MINDY2: variants seen among roughly 807,000 people sequenced by gnomAD.
MINDY2 encodes MINDY lysine 48 deubiquitinase 2.
MINDY2 carries 52 observed loss-of-function variants against 68.2 expected under a neutral mutation model. That is an observed-to-expected ratio of 0.76 (90% confidence interval 0.61 to 0.96). The LOEUF (loss-of-function observed/expected upper bound fraction) is 0.96. Among genes scored for constraint, MINDY2 ranks in the 40% least tolerant of loss-of-function variants. MINDY2 has a pLI of 0.00. For synonymous variants in MINDY2, 372 were observed against 303.0 expected, an observed-to-expected ratio of 1.23 and a Z score of -2.36; for missense variants, 881 against 773.4, an observed-to-expected ratio of 1.14 and a Z score of -1.65.
At chr15:58,802,927 T>A (rs1902760814) in intron 3 of MINDY2, among the ~76,000 whole-genome samples, 1 of 152,212 alleles carries the variant, frequency 6.6e-6, no homozygotes, top group African/African-American at 2.4e-5. Context: ...CGGAGCTTCA[T>A]TTTCTTCAGT....
intron 5 of MINDY2, among the ~76,000 whole-genome samples, chr15:58,830,398 C>A (rs2031647397): frequency 6.6e-6 from 1 of 152,116 alleles, no homozygotes; most frequent in Non-Finnish European, 1.5e-5. Context: ...AATCCAAAAT[C>A]CAAAATGCTC....
At chr15:58,785,041 G>GA (rs1464077761) in intron 1 of MINDY2, among the ~76,000 whole-genome samples, 2 of 139,082 alleles carry the variant, frequency 1.4e-5, no homozygotes, top group Non-Finnish European at 3.0e-5. Context: ...TTTCTCCTTT[G>GA]AAAAAATCTA....
chr15:58,843,625 G>A lies in MINDY2; in HGVS notation c.1369-3672G>A, dbSNP rs1393800733. Among the ~76,000 whole-genome samples, 3 of 152,068 alleles carry A rather than the reference G, an allele frequency of 2.0e-5. No individual in the cohort carries two copies. In the East Asian group the frequency reaches 5.8e-4, roughly 29 times the overall value. Reference sequence around the variant, plus strand: ...TTGTATTAACAACATACCTGACAGTGGAGTTCGAGACCAGCCTGACCAACA... The same window carrying A: ...TTGTATTAACAACATACCTGACAGTAGAGTTCGAGACCAGCCTGACCAACA... On this transcript the variant is annotated intron_variant, in intron 6 of 8. Coordinates refer to ENST00000559228, the MANE Select transcript of MINDY2 (RefSeq NM_001040450.3).
chr15:58,820,728 T>C (rs2031006848), intron 4 of MINDY2, among the ~76,000 whole-genome samples: 2 of 152,160 alleles, frequency 1.3e-5, no homozygotes, highest in Non-Finnish European at 2.9e-5. Context: ...TTTTACATCT[T>C]TTTAACAAGC....
chr15:58,780,028 A>C (rs537118965), intron 1 of MINDY2, among the ~76,000 whole-genome samples: 1 of 152,216 alleles, frequency 6.6e-6, no homozygotes, highest in Non-Finnish European at 1.5e-5. Flanking sequence ...ATTATTTTAC[A>C]TGCATTGTAT....
chr15:58,840,805 C>T (rs1322462415), intron 6 of MINDY2, among the ~76,000 whole-genome samples: 25 of 147,232 alleles, frequency 1.7e-4, no homozygotes, highest in Admixed American at 2.7e-4. Context: ...TACAGGCCCC[C>T]GCCACCATGC....
intron 1 of MINDY2, among the ~76,000 whole-genome samples, chr15:58,776,130 GA>G (rs1313207430): frequency 6.6e-6 from 1 of 152,104 alleles, no homozygotes; most frequent in Non-Finnish European, 1.5e-5. Context: ...AAATTATAGA[GA>G]AAAATCAAAT....
rs34082956 is a variant in MINDY2 at position 58,803,945 on chromosome 15, GAAAAAAAAAAA to G, written c.963+1582_963+1592del. On this transcript the variant is annotated intron_variant, in intron 3 of 8. Coordinates refer to ENST00000559228, the MANE Select transcript of MINDY2 (RefSeq NM_001040450.3). ...AACATGGTGAAACCCCAGCTCTACTGAAAAAAAAAAAAAAAAAAAAAAAATACAAAAAATTA... is the reference window on the plus strand; with the variant it reads ...AACATGGTGAAACCCCAGCTCTACTGAAAAAAAAAAAAATACAAAAAATTA... Among the ~76,000 whole-genome samples the G allele has an allele frequency of 6.5e-5, 5 of 77,238 alleles. No individual in the cohort carries two copies. The East Asian group carries it at 1.5e-3, about 24-fold the overall frequency. The allele number at this position is 77,238 out of a possible 152,430, so 50.7% of individuals were successfully genotyped here.
chr15:58,789,456 AT>A (rs769561046), intron 2 of MINDY2, among the ~76,000 whole-genome samples: 5,843 of 145,930 alleles, frequency 0.04, 126 homozygotes, highest in African/African-American at 0.066. Context: ...ATTTTAGAAG[AT>A]TTTTTTTTTT....
chr15:58,847,260 T>C (rs1269034833), intron 6 of MINDY2, 37 bp from the exon 7 acceptor site: 4 of 1,497,220 alleles, frequency 2.7e-6, no homozygotes, highest in Non-Finnish European at 2.7e-6. Flanking sequence ...TTTTGATCAA[T>C]TTAACAGTCC....
At chr15:58,831,943 C>A in intron 6 of MINDY2, 27 bp downstream of exon 6, 1 of 1,587,708 alleles carries the variant, frequency 6.3e-7, no homozygotes, top group South Asian at 1.2e-5. Flanking sequence ...GCTATTTAAT[C>A]GTGATTCTAA....
At chr15:58,832,031 C>A (rs887510396) in intron 6 of MINDY2, 115 bp downstream of exon 6, 1 of 917,122 alleles carries the variant, frequency 1.1e-6, no homozygotes. Flanking sequence ...TCTTAACCAT[C>A]AAATTATGAA....
intron 6 of MINDY2, 129 bp downstream of exon 6, chr15:58,832,045 A>T: frequency 1.3e-6 from 1 of 768,536 alleles, no homozygotes; most frequent in Non-Finnish European, 1.9e-6. Flanking sequence ...TTATGAAGGT[A>T]ATTATTAAAT....
intron 6 of MINDY2, among the ~76,000 whole-genome samples, chr15:58,839,140 C>G (rs530384810): frequency 6.6e-6 from 1 of 151,708 alleles, no homozygotes; most frequent in South Asian, 2.1e-4. Context: ...GCGTTAAAAT[C>G]TTTTGTCATC....
chr15:58,798,817 G>C (rs553980155), intron 2 of MINDY2, among the ~76,000 whole-genome samples: 1 of 152,290 alleles, frequency 6.6e-6, no homozygotes, highest in Admixed American at 6.5e-5. Flanking sequence ...TCAACATGTA[G>C]TTAGTGGGGC....
intron 4 of MINDY2, among the ~76,000 whole-genome samples, chr15:58,813,705 T>C (rs1400445386): frequency 2.6e-5 from 4 of 151,694 alleles, no homozygotes; most frequent in African/African-American, 4.8e-5. Flanking sequence ...CCCAAGTAGC[T>C]GGGACTACAG....
intron 1 of MINDY2, among the ~76,000 whole-genome samples, chr15:58,776,218 T>A (rs1299858483): frequency 6.6e-6 from 1 of 151,632 alleles, no homozygotes; most frequent in African/African-American, 2.4e-5. Flanking sequence ...CTCCAGAGAG[T>A]AGTGAGCAAT....
At chr15:58,775,762 G>T (rs1433274620) in intron 1 of MINDY2, among the ~76,000 whole-genome samples, 1 of 152,076 alleles carries the variant, frequency 6.6e-6, no homozygotes, top group Non-Finnish European at 1.5e-5. Flanking sequence ...GCCAAAGTTT[G>T]GTTGTGTTGA....
chr15:58,782,021 A>C (rs373960560), intron 1 of MINDY2, among the ~76,000 whole-genome samples: 2 of 152,360 alleles, frequency 1.3e-5, no homozygotes, highest in South Asian at 4.1e-4. Context: ...TGAATAGTAC[A>C]TACAAGAAAT....
Sources: gnomAD v4.1 joint callset for allele counts (sites outside exome capture counted in the v4.1 genomes callset) on GRCh38, gnomAD v4.1.1 for gene constraint, MANE v1.5 for transcripts, NCBI Gene and HGNC (gene_info 2026-07-23, HGNC 2026-07-21) for gene names.